Variants in KRT18 observed in about 807,000 individuals in gnomAD.
The protein encoded by KRT18 is keratin 18.
KRT18 carries 8 observed loss-of-function variants against 39.9 expected under a neutral mutation model. The observed-to-expected ratio is 0.20, with a 90% CI of 0.12 to 0.36. The LOEUF is 0.36. KRT18 is among the 10% of genes least tolerant of loss of function. The pLI, the probability that KRT18 is intolerant of heterozygous loss-of-function variation, is 1.00. For missense variants in KRT18, 396 were observed against 565.7 expected (o/e 0.70, Z 3.04); for synonymous variants, 194 against 227.8 (o/e 0.85, Z 1.33).
intron 3 of KRT18, 63 bp downstream of exon 3, chr12:52,950,969 T>C (rs1190609015): frequency 1.3e-6 from 2 of 1,485,616 alleles, no homozygotes; most frequent in South Asian, 2.4e-5. Flanking sequence ...GGTCGGAGAA[T>C]AGACAAGACA....
At chr12:52,952,563 C>G in intron 6 of KRT18, 159 bp from the exon 7 acceptor site, 1 of 863,868 alleles carries the variant, frequency 1.2e-6, no homozygotes, top group Non-Finnish European at 2.0e-6. Context: ...ACTTAGTATG[C>G]AAATGAAGTT....
At chr12:52,949,627 C>T (rs1228843974) in intron 1 of KRT18, 37 bp downstream of exon 1, 2 of 1,560,370 alleles carry the variant, frequency 1.3e-6, no homozygotes, top group Admixed American at 1.7e-5. Flanking sequence ...CCAGCCTTGT[C>T]TGACCCTCCA....
At chr12:52,948,875 C>A, upstream of KRT18, 1 of 423,508 alleles carries the variant, frequency 2.4e-6, no homozygotes, top group Non-Finnish European at 4.1e-6. Context: ...CTGAAAGCAG[C>A]CTCGAGGGCC....
At chr12:52,950,472 A>C in intron 2 of KRT18, 62 bp downstream of exon 2, 1 of 1,233,500 alleles carries the variant, frequency 8.1e-7, no homozygotes, top group Middle Eastern at 1.9e-4. Context: ...TCTGCTCCCC[A>C]GGCTGGGTCA....
At chr12:52,952,409 T>G (rs544083768) in intron 6 of KRT18, 67 bp downstream of exon 6, 11 of 1,137,692 alleles carry the variant, frequency 9.7e-6, no homozygotes, top group Middle Eastern at 1.9e-4. Context: ...AGTCTGAGCT[T>G]TTGGAAGCAC....
At chr12:52,949,037 T>TGGCTCCGGCTTCCGAAGC (rs1942405615), upstream of KRT18, 4 of 812,912 alleles carry the variant, frequency 4.9e-6, no homozygotes, top group East Asian at 7.8e-5. Flanking sequence ...CGTCCACCTG[T>TGGCTCCGGCTTCCGAAGC]GGCTCCGGCT....
chr12:52,950,071 A>G (rs1942452700), intron 1 of KRT18: 2 of 622,456 alleles, frequency 3.2e-6, no homozygotes, highest in Non-Finnish European at 5.7e-6. Context: ...GTAGCGACTC[A>G]CTTCTGGGCA....
At chr12:52,951,897 T>C (rs1942497246) in intron 5 of KRT18, 41 bp downstream of exon 5, 1 of 1,603,338 alleles carries the variant, frequency 6.2e-7, no homozygotes, top group Non-Finnish European at 8.5e-7. Context: ...CTCCTTCACT[T>C]GGCCTCAGAC....
chr12:52,950,908 C>T lies in KRT18; in HGVS notation c.657+2C>T. On this transcript the variant is annotated splice_donor_variant, in intron 3 of 6. Transcript: ENST00000388835. LOFTEE classifies it low-confidence loss of function (GC_TO_GT_DONOR). ...TTCATGAAGAAGAACCACGAAGAGGCAAGCAGGGGCCACTGGCCAGGCCAG... is the reference window on the plus strand; with the variant it reads ...TTCATGAAGAAGAACCACGAAGAGGTAAGCAGGGGCCACTGGCCAGGCCAG... 1 of 1,569,396 alleles carries T rather than the reference C, an allele frequency of 6.4e-7. No individual in the cohort carries two copies. Among genetic ancestry groups the T allele is most frequent in the South Asian group, 1.2e-5 (1 of 86,150 alleles).
chr12:52,951,558 C>T lies in KRT18; in HGVS notation c.735C>T (p.Leu245=), dbSNP rs1373625141. The part of the protein sequence containing the change: ...VEVDAPKSQD[L]AKIMADIRAQ... ...TAGATGCCCCCAAATCTCAGGACCT[C>T]GCCAAGATCATGGCAGACATCCGGG... Residue 245 remains leucine (L), a synonymous_variant, in exon 4 of 7, where the codon CTC becomes CTT. Transcript: ENST00000388835. 23 of 1,614,002 alleles carry T rather than the reference C, an allele frequency of 1.4e-5. No homozygotes were observed. The highest frequency in any genetic ancestry group is 1.8e-5 in the Non-Finnish European group (21 of 1,180,034).
At position 52,952,620 on chromosome 12, in the gene KRT18, G is replaced by A. The variant is rs563410109; in HGVS notation, c.1173-102G>A. 79 of 1,265,024 alleles carry A rather than the reference G, an allele frequency of 6.2e-5. No individual in the cohort carries two copies. In the East Asian group the frequency reaches 1.8e-3, roughly 28 times the overall value. The allele number at this position is 1,265,024 out of a possible 1,614,324, so 78.4% of individuals were successfully genotyped here. On this transcript the variant is annotated intron_variant, in intron 6 of 6. Coordinates refer to ENST00000388835, the MANE Select transcript of KRT18 (RefSeq NM_000224.3). ...TGGAGGAAGAGGCTGAGGGTGATTT[G>A]GAGATAAAGGTAGAGGTCAGGAGGC...
upstream of KRT18, chr12:52,948,908 C>A: frequency 2.3e-6 from 1 of 436,452 alleles, no homozygotes; most frequent in South Asian, 8.0e-5. Context: ...TGTCCGTGTC[C>A]ATGCCCGGTT....
rs1341730231 is a variant in KRT18 at position 52,949,330 on chromosome 12, A to G, written c.157A>G (p.Ser53Gly). Residue 53 changes from serine (S) to glycine (G), a missense_variant, in exon 1 of 7, where the codon AGC (serine) becomes GGC (glycine). By Grantham distance (56) the Ser-to-Gly change is moderately conservative. Coordinates refer to ENST00000388835, the MANE Select transcript of KRT18 (RefSeq NM_000224.3). ...CCGGATCTCCGTGTCCCGCTCCACC[A>G]GCTTCAGGGGCGGCATGGGGTCCGG... ...GSRISVSRST[S>G]FRGGMGSGGL... 1.9e-6 allele frequency: 3 copies of G among 1,609,636 alleles called. No individual in the cohort carries two copies. The East Asian group carries it at 6.7e-5, about 36-fold the overall frequency.
intron 1 of KRT18, 42 bp downstream of exon 1, chr12:52,949,632 C>G: frequency 6.5e-7 from 1 of 1,535,014 alleles, no homozygotes; most frequent in Non-Finnish European, 9.0e-7. Flanking sequence ...CTTGTCTGAC[C>G]CTCCAATTAT....
At chr12:52,949,027 CG>C, upstream of KRT18, 1 of 723,040 alleles carries the variant, frequency 1.4e-6, no homozygotes, top group East Asian at 2.8e-5. Context: ...GGCTCCGAGC[CG>C]TCCACCTGTG....
At chr12:52,951,134 T>A (rs1004292248) in intron 3 of KRT18, among the ~76,000 whole-genome samples, 9 of 151,892 alleles carry the variant, frequency 5.9e-5, no homozygotes, top group African/African-American at 2.2e-4. Flanking sequence ...GAAAATGAGA[T>A]GAGAACAGAA....
rs1942502746 is a variant in KRT18 at position 52,952,178 on chromosome 12, G to A, written c.1008G>A (p.Glu336=). ...AGGCCCGCTACGCCCTACAGATGGA[G>A]CAGCTCAACGGGATCCTGCTGCACC... ...EVEARYALQM[E]QLNGILLHLE... is the part of the protein sequence containing the mutation. The change falls in exon 6 of 7, where the codon GAG becomes GAA. Residue 336 remains glutamate (E), a synonymous_variant. Coordinates refer to ENST00000388835, the MANE Select transcript of KRT18 (RefSeq NM_000224.3). 6.3e-7 allele frequency: 1 copy of A among 1,584,710 alleles called. No individual in the cohort carries two copies. The highest frequency in any genetic ancestry group is 8.6e-7 in the Non-Finnish European group (1 of 1,165,574).
chr12:52,950,277 C>T (rs761662505), intron 1 of KRT18, 51 bp from the exon 2 acceptor site: 80 of 1,305,516 alleles, frequency 6.1e-5, no homozygotes, highest in Non-Finnish European at 6.7e-6. Flanking sequence ...CTCACCCCAC[C>T]CATCCCTGGC....
rs1163469093 is a variant in KRT18, at chr12:52,952,306, C to G, written c.1136C>G (p.Thr379Ser). The change falls in exon 6 of 7, where the codon ACC becomes AGC. Residue 379 changes from threonine to serine, a missense_variant. Physicochemically the swap from Thr to Ser is moderately conservative, Grantham distance 58 (BLOSUM62 1). Coordinates refer to ENST00000388835, the MANE Select transcript of KRT18 (RefSeq NM_000224.3). ...IKVKLEAEIA[T>S]YRRLLEDGED... ...GTCAAGCTGGAGGCTGAGATCGCCA[C>G]CTACCGCCGCCTGCTGGAAGATGGC... 1 of 1,607,244 alleles carries G rather than the reference C, an allele frequency of 6.2e-7. No homozygotes were observed. Among genetic ancestry groups the G allele is most frequent in the Non-Finnish European group, 8.5e-7 (1 of 1,177,690 alleles).
Sources: gnomAD v4.1 joint callset for allele counts (sites outside exome capture counted in the v4.1 genomes callset) on GRCh38, gnomAD v4.1.1 for gene constraint, MANE v1.5 for transcripts, NCBI Gene and HGNC (gene_info 2026-07-23, HGNC 2026-07-21) for gene names.